The following CCAR1 variants were observed in gnomAD, a reference collection of about 807,000 sequenced individuals.
CCAR1 encodes cell division cycle and apoptosis regulator 1, also known as cell division cycle and apoptosis regulator protein 1.
A neutral mutation model predicts 163.8 loss-of-function variants in CCAR1; 78 were observed. The observed-to-expected ratio is 0.48, with a 90% CI of 0.40 to 0.57. The LOEUF (loss-of-function observed/expected upper bound fraction) is 0.57, where lower values mean the gene tolerates loss of function less well. Ranked by LOEUF, CCAR1 falls within the 20% of genes least tolerant of loss-of-function variation. The probability of loss-of-function intolerance (pLI) is 0.00; values close to 1 mark genes in which losing one functional copy is unlikely to be tolerated. For missense variants in CCAR1, 1,019 were observed against 1,365.2 expected (o/e 0.75, Z 4.00); for synonymous variants, 443 against 460.7 (o/e 0.96, Z 0.49).
intron 2 of CCAR1, among the ~76,000 whole-genome samples, chr10:68,736,198 A>C (rs982756310): frequency 1.1e-4 from 16 of 152,086 alleles, no homozygotes; most frequent in African/African-American, 3.9e-4. Context: ...GACATGTAAA[A>C]ATCCTATGTA....
chr10:68,743,075 G>A (rs1306904198), intron 6 of CCAR1, among the ~76,000 whole-genome samples: 1 of 152,012 alleles, frequency 6.6e-6, no homozygotes, highest in Non-Finnish European at 1.5e-5. Context: ...TGGGACAACA[G>A]GCATGCGCCA....
At chr10:68,788,440 A>G (rs2056819433) in intron 23 of CCAR1, 112 bp downstream of exon 23, 2 of 595,432 alleles carry the variant, frequency 3.4e-6, no homozygotes, top group Non-Finnish European at 5.2e-6. Context: ...GCATATGCAT[A>G]CCAGATATTT....
intron 5 of CCAR1, among the ~76,000 whole-genome samples, chr10:68,741,298 G>A (rs572350128): frequency 1.7e-4 from 26 of 152,172 alleles, no homozygotes; most frequent in African/African-American, 5.3e-4. Context: ...ATTTCTGCAC[G>A]TTTTTTCCAC....
rs542795250 is a variant in CCAR1 at position 68,787,440 on chromosome 10, TC to T, written c.2881-484del. ...TTACCAACTATGCTGTAATAAATCA[TC>T]CCTGTGCATAAATTTTTATCAATGT... On this transcript the variant is annotated intron_variant, in intron 21 of 24. Transcript: ENST00000265872. Among the ~76,000 whole-genome samples, 20 of 152,320 alleles carry T rather than the reference TC, an allele frequency of 1.3e-4. No homozygotes were observed. The East Asian group carries it at 3.1e-3, about 23-fold the overall frequency.
At chr10:68,776,740 G>A (rs1458766296) in intron 19 of CCAR1, among the ~76,000 whole-genome samples, 4 of 152,020 alleles carry the variant, frequency 2.6e-5, no homozygotes, top group African/African-American at 4.8e-5. Context: ...GTAGAGATGG[G>A]GTCTCAGTAT....
intron 8 of CCAR1, among the ~76,000 whole-genome samples, chr10:68,748,695 G>A (rs921476273): frequency 4.0e-5 from 6 of 151,848 alleles, no homozygotes; most frequent in African/African-American, 1.5e-4. Context: ...TCACCATGAT[G>A]CCCAGGCTGC....
In CCAR1 at chr10:68,761,015, C is replaced by G; in HGVS notation, c.1929C>G (p.Asp643Glu). The change falls in exon 16 of 25, where the codon GAC (aspartate) becomes GAG (glutamate). Residue 643 changes from aspartate (D) to glutamate (E), a missense_variant. Asp to Glu is a conservative substitution (Grantham distance 45, BLOSUM62 2). Coordinates refer to ENST00000265872, the MANE Select transcript of CCAR1 (RefSeq NM_018237.4). The part of the protein sequence containing the change: ...KLDPKTMKVN[D>E]LRKELESRAL... ...CTGCTCCATATATTCAGGTAAATGA[C>G]CTCCGAAAAGAATTAGAAAGTCGAG... 1 of 1,302,034 alleles carries G rather than the reference C, an allele frequency of 7.7e-7. No homozygotes were observed. The highest frequency in any genetic ancestry group is 1.0e-6 in the Non-Finnish European group (1 of 997,676). The allele number at this position is 1,302,034 out of a possible 1,614,324, so 80.7% of individuals were successfully genotyped here. A position where few individuals can be genotyped will look rare whatever the true frequency, so the allele number is the denominator to read the frequency against.
chr10:68,745,613 A>T (rs1424811176), intron 6 of CCAR1, among the ~76,000 whole-genome samples: 2 of 150,936 alleles, frequency 1.3e-5, no homozygotes, highest in Non-Finnish European at 3.0e-5. Flanking sequence ...ACAGGTGCCT[A>T]CCACCACGCC....
chr10:68,746,734 C>T (rs990248446), intron 6 of CCAR1, among the ~76,000 whole-genome samples: 1 of 151,942 alleles, frequency 6.6e-6, no homozygotes, highest in Admixed American at 6.6e-5. Flanking sequence ...TGCGCCACCA[C>T]GCTCGGCTAA....
At chr10:68,771,561 A>C in intron 18 of CCAR1, 116 bp downstream of exon 18, 17 of 970,966 alleles carry the variant, frequency 1.8e-5, no homozygotes. Context: ...ATTTTACTAT[A>C]TTAGAAAATC....
Position 68,760,761 on chromosome 10 carries a change from G to A in CCAR1, c.1921-246G>A, listed in dbSNP as rs112960239. The A allele has an allele frequency of 1.3e-3, 314 of 242,104 alleles. 4 individuals are homozygous for A. Among genetic ancestry groups the A allele is most frequent in the African/African-American group, 6.6e-3 (293 of 44,340 alleles). 15.0% of individuals were successfully genotyped at this position (242,104 alleles called of 1,614,324 possible). A position where few individuals can be genotyped will look rare whatever the true frequency, so the allele number is the denominator to read the frequency against. On this transcript the variant is annotated intron_variant, in intron 15 of 24. Transcript: ENST00000265872. ...CATCTGTAATCCCAGCTACTTGGGG[G>A]GCTGAGACAGGAGAATTGCTTGAAC...
intron 2 of CCAR1, among the ~76,000 whole-genome samples, chr10:68,731,448 T>G (rs377534238): frequency 6.6e-6 from 1 of 152,216 alleles, no homozygotes; most frequent in Non-Finnish European, 1.5e-5. Flanking sequence ...ATAAAAGATA[T>G]AATCACATTC....
chr10:68,787,958 G>A lies in CCAR1; in HGVS notation c.2912G>A (p.Arg971His), dbSNP rs374978103. 31 of 1,612,592 alleles carry A rather than the reference G, an allele frequency of 1.9e-5. No homozygotes were observed. The highest frequency in any genetic ancestry group is 6.7e-5 in the African/African-American group (5 of 74,836). ...AAGCTTCTTAATAAAGTAGTGCTCCGTGAATCTTGCTTTTACCGGAAATTA... is the reference window on the plus strand; with the variant it reads ...AAGCTTCTTAATAAAGTAGTGCTCCATGAATCTTGCTTTTACCGGAAATTA... ...VKKLLNKVVL[R>H]ESCFYRKLTD... The change falls in exon 22 of 25, where the codon CGT becomes CAT. Residue 971 changes from arginine to histidine, a missense_variant. By Grantham distance (29) the Arg-to-His change is conservative. Around this residue, in one of 4 missense-constraint regions of CCAR1, gnomAD observed 358 missense variants for 406.4 expected, o/e 0.88. Transcript: ENST00000265872.
chr10:68,729,350 A>T (rs1480679110), intron 2 of CCAR1, among the ~76,000 whole-genome samples: 1 of 151,082 alleles, frequency 6.6e-6, no homozygotes, highest in Non-Finnish European at 1.5e-5. Flanking sequence ...GCTCACTGCA[A>T]GCTCCGCCTC....
intron 2 of CCAR1, among the ~76,000 whole-genome samples, chr10:68,730,216 A>C (rs2056017282): frequency 6.6e-6 from 1 of 151,740 alleles, no homozygotes; most frequent in Non-Finnish European, 1.5e-5. Flanking sequence ...TGCTGCGCCC[A>C]GCCCCTCTTT....
intron 6 of CCAR1, among the ~76,000 whole-genome samples, chr10:68,746,497 T>A (rs190379007): frequency 9.3e-4 from 142 of 152,242 alleles, no homozygotes; most frequent in Non-Finnish European, 1.5e-3. Context: ...CCTTAAGTGA[T>A]CTGCCCACCT....
Position 68,760,956 on chromosome 10 carries a change from C to T in CCAR1, c.1921-51C>T, listed in dbSNP as rs200035050. On this transcript the variant is annotated intron_variant, in intron 15 of 24. Coordinates refer to ENST00000265872, the MANE Select transcript of CCAR1 (RefSeq NM_018237.4). ...TCCTATTTCAATATCCGCTGCCCCC[C>T]GCCCCCCGCCACCTTTTTTTTTTCC... is the stretch of plus-strand genomic sequence containing the variant. The T allele has an allele frequency of 2.0e-3, 1,357 of 668,198 alleles. 43 individuals carry two copies. Among genetic ancestry groups the T allele is most frequent in the South Asian group, 3.4e-3 (129 of 37,456 alleles). 41.4% of individuals were successfully genotyped at this position (668,198 alleles called of 1,614,324 possible).
At chr10:68,782,284 C>T (rs1050176151) in intron 19 of CCAR1, among the ~76,000 whole-genome samples, 3 of 152,056 alleles carry the variant, frequency 2.0e-5, no homozygotes, top group African/African-American at 7.2e-5. Context: ...CAACCATCTC[C>T]TTAAGGTAAA....
In CCAR1 at chr10:68,747,209, A is replaced by G; in HGVS notation, c.567A>G (p.Glu189=). The change falls in exon 7 of 25, where the codon GAA becomes GAG. Residue 189 remains glutamate, a synonymous_variant. Coordinates refer to ENST00000265872, the MANE Select transcript of CCAR1 (RefSeq NM_018237.4). ...TPQVGDRVLV[E]ATYNPNMPFK... ...AAGTAGGTGACAGAGTATTGGTTGA[A>G]GCTACTTATAATCCTAATATGCCTT... is the stretch of plus-strand genomic sequence containing the variant. 1 of 1,611,538 alleles carries G rather than the reference A, an allele frequency of 6.2e-7. No homozygotes were observed. Among genetic ancestry groups the G allele is most frequent in the South Asian group, 1.1e-5 (1 of 90,156 alleles).
Sources: allele counts gnomAD v4.1 joint callset (sites outside exome capture counted in the v4.1 genomes callset), GRCh38; gene constraint gnomAD v4.1.1; regional missense constraint gnomAD v4.1.1; transcripts MANE v1.5; gene names NCBI Gene and HGNC (gene_info 2026-07-23, HGNC 2026-07-21).